DNAH11: variants seen among roughly 807,000 people sequenced by gnomAD.
DNAH11 encodes axonemal beta dynein heavy chain 11.
In DNAH11, 442 loss-of-function variants were observed where a neutral mutation model predicts 526.0. The ratio of observed to expected loss-of-function variants is 0.84; its 90% CI spans 0.78 to 0.91. The LOEUF (loss-of-function observed/expected upper bound fraction) is 0.91. Among genes scored for constraint, DNAH11 ranks in the 40% least tolerant of loss-of-function variants. The probability of loss-of-function intolerance (pLI) is 0.00; values close to 1 mark genes in which losing one functional copy is unlikely to be tolerated. For missense variants in DNAH11, 6,989 were observed against 5,448.7 expected (o/e 1.28, Z -8.90); for synonymous variants, 2,461 against 1,935.9 (o/e 1.27, Z -7.12).
chr7:21,810,313 G>A (rs1312213748), intron 63 of DNAH11, among the ~76,000 whole-genome samples: 2 of 152,028 alleles, frequency 1.3e-5, no homozygotes, highest in Non-Finnish European at 2.9e-5. Flanking sequence ...CTGATTTCCA[G>A]GACTCTATTT....
At chr7:21,649,669 T>TTTTC (rs1787538272) in intron 28 of DNAH11, among the ~76,000 whole-genome samples, 1 of 151,592 alleles carries the variant, frequency 6.6e-6, no homozygotes, top group Middle Eastern at 3.4e-3. Flanking sequence ...TTTTTTTTTT[T>TTTTC]TTTCTGTAGA....
chr7:21,848,123 C>T (rs1049293522), intron 66 of DNAH11, among the ~76,000 whole-genome samples: 3 of 145,310 alleles, frequency 2.1e-5, no homozygotes, highest in African/African-American at 5.4e-5. Context: ...GCTGGGATTG[C>T]ACCACTGCAC....
chr7:21,729,171 G>T (rs940604200), intron 45 of DNAH11, among the ~76,000 whole-genome samples: 20 of 152,204 alleles, frequency 1.3e-4, no homozygotes, highest in African/African-American at 4.3e-4. Flanking sequence ...TTTCTTGGAG[G>T]TTAATACATT....
chr7:21,761,545 G>C (rs1786912275), intron 54 of DNAH11, among the ~76,000 whole-genome samples: 1 of 152,108 alleles, frequency 6.6e-6, no homozygotes, highest in Admixed American at 6.5e-5. Flanking sequence ...TATCACTGTG[G>C]GTGTCAGAAT....
chr7:21,735,180 A>G (rs1044235274), intron 45 of DNAH11, among the ~76,000 whole-genome samples: 3 of 152,170 alleles, frequency 2.0e-5, no homozygotes, highest in African/African-American at 7.2e-5. Context: ...AGAACAAACA[A>G]ACAAACCAGG....
chr7:21,876,350 T>G (rs1254938352), intron 74 of DNAH11, among the ~76,000 whole-genome samples: 1 of 152,140 alleles, frequency 6.6e-6, no homozygotes, highest in Non-Finnish European at 1.5e-5. Context: ...GTGCAGAAAA[T>G]CTAAAATGTT....
chr7:21,668,641 T>C (rs1782516879), intron 30 of DNAH11, among the ~76,000 whole-genome samples: 1 of 152,208 alleles, frequency 6.6e-6, no homozygotes, highest in East Asian at 1.9e-4. Flanking sequence ...TTTTTGAGAT[T>C]CATCTCTGTC....
chr7:21,830,630 T>C (rs994608727), intron 65 of DNAH11, among the ~76,000 whole-genome samples: 6 of 152,122 alleles, frequency 3.9e-5, no homozygotes, highest in Non-Finnish European at 5.9e-5. Flanking sequence ...TAGTCCCAGC[T>C]CTGCCTCTAA....
chr7:21,821,100 T>TG (rs1790032520), intron 65 of DNAH11, among the ~76,000 whole-genome samples: 1 of 152,096 alleles, frequency 6.6e-6, no homozygotes, highest in Admixed American at 6.6e-5. Flanking sequence ...GATATTATGG[T>TG]GGGGAAAAAG....
At chr7:21,621,209 C>G (rs1000942482) in intron 25 of DNAH11, among the ~76,000 whole-genome samples, 8 of 152,208 alleles carry the variant, frequency 5.3e-5, no homozygotes, top group African/African-American at 1.9e-4. Flanking sequence ...TGCAAATAAA[C>G]TAGAAAATCT....
chr7:21,797,450 C>T (rs1002130085), intron 61 of DNAH11, among the ~76,000 whole-genome samples: 1 of 151,724 alleles, frequency 6.6e-6, no homozygotes, highest in African/African-American at 2.4e-5. Flanking sequence ...AACTCGTGAC[C>T]TCAGGTGATC....
rs74972617 is a variant in DNAH11 at position 21,585,517 on chromosome 7, G to T, written c.1711-2547G>T. 9.0e-3 allele frequency among the ~76,000 whole-genome samples: 1,378 copies of T among 152,296 alleles called. 14 individuals are homozygous for T. The highest frequency in any genetic ancestry group is 0.031 in the African/African-American group (1,271 of 41,568). ...TGGCCAGGAAGGGCACCGGAACTGA[G>T]CGCTATTCTACTCTAATATAAAAGT... is the stretch of plus-strand genomic sequence containing the variant. On this transcript the variant is annotated intron_variant, in intron 9 of 81. Coordinates refer to ENST00000409508, the MANE Select transcript of DNAH11 (RefSeq NM_001277115.2).
chr7:21,733,059 G>T (rs1214387671), intron 45 of DNAH11, among the ~76,000 whole-genome samples: 1 of 152,124 alleles, frequency 6.6e-6, no homozygotes, highest in Non-Finnish European at 1.5e-5. Flanking sequence ...GAGGGGTGGG[G>T]ACTTGGACAA....
chr7:21,713,609 C>G (rs1034952935), intron 42 of DNAH11, among the ~76,000 whole-genome samples: 7 of 152,062 alleles, frequency 4.6e-5, no homozygotes, highest in Non-Finnish European at 1.0e-4. Flanking sequence ...TACTTCTTGC[C>G]CACACTTCTG....
At chr7:21,773,683 A>G (rs1244635801) in intron 55 of DNAH11, 83 bp from the exon 56 acceptor site, 4 of 1,048,044 alleles carry the variant, frequency 3.8e-6, no homozygotes, top group Non-Finnish European at 5.2e-6. Context: ...TTTAGAAAAA[A>G]AATGATCATT....
intron 55 of DNAH11, among the ~76,000 whole-genome samples, chr7:21,771,141 A>C (rs1219089492): frequency 6.6e-6 from 1 of 152,190 alleles, no homozygotes; most frequent in African/African-American, 2.4e-5. Context: ...AATTGTCCCA[A>C]GTTACACTTC....
intron 30 of DNAH11, among the ~76,000 whole-genome samples, chr7:21,672,322 A>G (rs1198960171): frequency 4.6e-5 from 7 of 152,098 alleles, no homozygotes; most frequent in Non-Finnish European, 8.8e-5. Context: ...GTCTCGCTCT[A>G]TTGTCCAGGC....
chr7:21,720,771 C>G lies in DNAH11; in HGVS notation c.7181C>G (p.Pro2394Arg), dbSNP rs758558805. ...TGCTTGCTGACTCCTGAAAATGTACCTTCTGACAGCCCAAAAGAAGTTTAT... is the reference window on the plus strand; with the variant it reads ...TGCTTGCTGACTCCTGAAAATGTACGTTCTGACAGCCCAAAAGAAGTTTAT... ...LECLLTPENV[P>R]SDSPKEVYEV... is the part of the protein sequence containing the mutation. Residue 2394 changes from proline to arginine, a missense_variant, in exon 44 of 82, where the codon CCT (proline) becomes CGT (arginine). Pro to Arg is a moderately radical substitution (Grantham distance 103). Transcript: ENST00000409508. 1 of 1,599,968 alleles carries G rather than the reference C, an allele frequency of 6.3e-7. No individual in the cohort carries two copies. The highest frequency in any genetic ancestry group is 8.5e-7 in the Non-Finnish European group (1 of 1,172,550).
rs753999523 is a variant in DNAH11 at position 21,687,193 on chromosome 7, C to G, written c.5716C>G (p.Leu1906Val). The change falls in exon 33 of 82, where the codon CTA becomes GTA. Residue 1906 changes from leucine (L) to valine (V), a missense_variant. Coordinates refer to ENST00000409508, the MANE Select transcript of DNAH11 (RefSeq NM_001277115.2). The part of the protein sequence containing the change: ...GTGKTETTKD[L>V]GRALGMMVYV... Reference sequence around the variant, plus strand: ...CGGGAAAACAGAGACCACCAAAGACCTAGGACGTGCCCTTGGCATGATGGT... The same window carrying G: ...CGGGAAAACAGAGACCACCAAAGACGTAGGACGTGCCCTTGGCATGATGGT... The G allele has an allele frequency of 6.2e-7, 1 of 1,611,300 alleles. No individual in the cohort carries two copies. Among genetic ancestry groups the G allele is most frequent in the East Asian group, 2.2e-5 (1 of 44,832 alleles).
Sources: gnomAD v4.1 joint callset for allele counts (sites outside exome capture counted in the v4.1 genomes callset) on GRCh38, gnomAD v4.1.1 for gene constraint, MANE v1.5 for transcripts, NCBI Gene and HGNC (gene_info 2026-07-23, HGNC 2026-07-21) for gene names.